ALAS2: variants seen among roughly 807,000 people sequenced by gnomAD.
ALAS2 encodes the protein 5'-aminolevulinate synthase 2.
In ALAS2, 3 loss-of-function variants were observed where a neutral mutation model predicts 33.7. The observed-to-expected ratio is 0.09, with a 90% CI of 0.04 to 0.23. The LOEUF (loss-of-function observed/expected upper bound fraction) is 0.23. Among genes scored for constraint, ALAS2 ranks in the 10% least tolerant of loss-of-function variants. The pLI is 1.00. For synonymous variants in ALAS2, 191 were observed against 177.3 expected (o/e 1.08, Z -0.61); for missense variants, 304 against 475.1 (o/e 0.64, Z 3.35).
At chrX:55,014,171 G>A (rs1935658724) in intron 9 of ALAS2, among the ~76,000 whole-genome samples, 1 of 112,054 alleles carries the variant, frequency 8.9e-6, no homozygotes, top group Non-Finnish European at 1.9e-5. Context: ...AGAAGTAGCA[G>A]TTCATTTTTA....
At position 55,025,809 on chromosome X, in the gene ALAS2, C is replaced by T. The variant is rs1935881865; in HGVS notation, c.181+11G>A. Reference sequence around the variant, plus strand: ...TAACATTCTCCCCTTTTGCTAGCAGCCTCTTCTTACCTCCTCCAGCCTTTG... The same window carrying T: ...TAACATTCTCCCCTTTTGCTAGCAGTCTCTTCTTACCTCCTCCAGCCTTTG... On this transcript the variant is annotated intron_variant, in intron 2 of 10. Transcript: ENST00000650242. 8.3e-7 allele frequency: 1 copy of T among 1,210,279 alleles called. No homozygotes were observed. Among genetic ancestry groups the T allele is most frequent in the African/African-American group, 1.7e-5 (1 of 57,757 alleles).
chrX:55,015,597 G>A lies in ALAS2; in HGVS notation c.1149C>T (p.Asp383=). The A allele has an allele frequency of 2.5e-6, 3 of 1,211,501 alleles. No individual in the cohort carries two copies. Among genetic ancestry groups the A allele is most frequent in the Non-Finnish European group, 3.4e-6 (3 of 895,437 alleles). Residue 383 remains aspartate, a synonymous_variant, in exon 8 of 11, where the codon GAC becomes GAT. Coordinates refer to ENST00000650242, the MANE Select transcript of ALAS2 (RefSeq NM_000032.5). ...GERDGIMHKI[D]IISGTLGKAF... is the part of the protein sequence containing the mutation. Reference sequence around the variant, plus strand: ...ACTTACCAAGAGTTCCAGAGATGATGTCAATCTTATGCATAATTCCATCAC... The same window carrying A: ...ACTTACCAAGAGTTCCAGAGATGATATCAATCTTATGCATAATTCCATCAC...
intron 10 of ALAS2, 117 bp from the exon 11 acceptor site, chrX:55,009,460 GC>G: frequency 1.4e-6 from 1 of 697,537 alleles, no homozygotes; most frequent in Non-Finnish European, 2.1e-6. Context: ...ATACCTCAGG[GC>G]CAGAAGTAGC....
At chrX:55,019,394 G>C (rs1034026635) in intron 6 of ALAS2, among the ~76,000 whole-genome samples, 2 of 111,572 alleles carry the variant, frequency 1.8e-5, no homozygotes, top group Admixed American at 1.9e-4. Context: ...TAGGTGCTTT[G>C]TGGCTGGGAG....
chrX:55,014,834 G>A lies in ALAS2; in HGVS notation c.1350C>T (p.His450=), dbSNP rs754465437. The A allele has an allele frequency of 1.7e-5, 20 of 1,203,598 alleles. 1 individual carries two copies. The Admixed American group carries it at 4.2e-4, about 25-fold the overall frequency. ...GGCGCATGTGCTTGACATTGCGCTG[G>A]TGGGCTCGCCTCAGGGCTTGGCCCT... ...GEEGQALRRA[H]QRNVKHMRQL... is the part of the protein sequence containing the mutation. The change falls in exon 9 of 11, where the codon CAC becomes CAT. Residue 450 remains histidine (H), a synonymous_variant. Coordinates refer to ENST00000650242, the MANE Select transcript of ALAS2 (RefSeq NM_000032.5).
At chrX:55,027,965 C>A in intron 1 of ALAS2, 1 of 476,472 alleles carries the variant, frequency 2.1e-6, no homozygotes, top group Non-Finnish European at 3.7e-6. Flanking sequence ...TAAATGTTAG[C>A]TTTTCTTATT....
At chrX:55,011,880 C>T (rs541835162) in intron 10 of ALAS2, among the ~76,000 whole-genome samples, 51 of 111,458 alleles carry the variant, frequency 4.6e-4, no homozygotes, top group East Asian at 5.7e-4. Flanking sequence ...AGAGACAGAC[C>T]TCCCAGTTGC....
intron 7 of ALAS2, among the ~76,000 whole-genome samples, chrX:55,015,957 CTCTGTGTGTGTGTGTGTGTGTG>C (rs1204269937): frequency 2.3e-5 from 2 of 86,309 alleles, no homozygotes; most frequent in Admixed American, 1.3e-4. Flanking sequence ...CTCTCTGTCT[CTCTGTGTGTGTGTGTGTGTGTG>C]TGTGTGTGTG....
At chrX:55,027,924 G>A (rs1935919469) in intron 1 of ALAS2, 1 of 628,620 alleles carries the variant, frequency 1.6e-6, no homozygotes, top group Non-Finnish European at 2.7e-6. Context: ...TAAGCCTTTA[G>A]TATAGTTTTT....
Position 55,017,645 on chromosome X carries a change from C to A in ALAS2, c.844G>T (p.Ala282Ser), listed in dbSNP as rs368251919. Reference protein sequence around the residue: ...ILPGCEIYSDAGNHASMIQGI... With the variant: ...ILPGCEIYSDSGNHASMIQGI... ...TGGATCATGGAAGCATGGTTGCCTG[C>A]GTCTGAGTAAATCTCGCACCCTGAG... Residue 282 changes from alanine (A) to serine (S), a missense_variant, in exon 7 of 11, where the codon GCA becomes TCA. Ala to Ser is a moderately conservative substitution (Grantham distance 99). Coordinates refer to ENST00000650242, the MANE Select transcript of ALAS2 (RefSeq NM_000032.5). 139 of 1,209,937 alleles carry A rather than the reference C, an allele frequency of 1.1e-4. 2 individuals carry two copies. The South Asian group carries it at 1.7e-3, about 15-fold the overall frequency.
Position 55,027,740 on chromosome X carries a change from C to T in ALAS2, c.-15-1725G>A, listed in dbSNP as rs777257757. On this transcript the variant is annotated intron_variant, in intron 1 of 10. Coordinates refer to ENST00000650242, the MANE Select transcript of ALAS2 (RefSeq NM_000032.5). ...CTTCCTGATCTCATAGAACAAGCAC[C>T]CTCCCCGTACCTCACAAAACAACCT... The T allele has an allele frequency of 3.3e-6, 4 of 1,209,683 alleles. No homozygotes were observed. In the South Asian group the frequency reaches 5.3e-5, roughly 16 times the overall value.
intron 1 of ALAS2, among the ~76,000 whole-genome samples, chrX:55,029,727 T>C (rs1434211229): frequency 1.3e-4 from 15 of 112,124 alleles, no homozygotes; most frequent in African/African-American, 4.2e-4. Flanking sequence ...ACCTAATGTG[T>C]GATAATGCTT....
At chrX:55,015,774 T>G in intron 7 of ALAS2, 32 bp from the exon 8 acceptor site, 1 of 1,201,355 alleles carries the variant, frequency 8.3e-7, no homozygotes, top group Non-Finnish European at 1.1e-6. Flanking sequence ...AGGTAGGACA[T>G]CATAACCCTT....
At position 55,013,519 on chromosome X, in the gene ALAS2, G is replaced by A. The variant is rs199826743; in HGVS notation, c.1567C>T (p.His523Tyr). Reference sequence around the variant, plus strand: ...TCTTCCATCATCTGAGGGCTGTGGTGGGGGGAGGGTGCCAAGCGCAGGAGC... The same window carrying A: ...TCTTCCATCATCTGAGGGCTGTGGTAGGGGGAGGGTGCCAAGCGCAGGAGC... ...EELLRLAPSP[H>Y]HSPQMMEDFV... is the part of the protein sequence containing the mutation. The change falls in exon 10 of 11, where the codon CAC becomes TAC. Residue 523 changes from histidine (H) to tyrosine (Y), a missense_variant. By Grantham distance (83) the His-to-Tyr change is moderately conservative. Around this residue, in one of 3 missense-constraint regions of ALAS2, gnomAD observed 95 missense variants for 127.0 expected, o/e 0.75. Coordinates refer to ENST00000650242, the MANE Select transcript of ALAS2 (RefSeq NM_000032.5). The A allele has an allele frequency of 1.0e-4, 124 of 1,208,495 alleles. No individual in the cohort carries two copies. In the Middle Eastern group the frequency reaches 1.4e-3, roughly 13 times the overall value.
Position 55,016,689 on chromosome X carries a change from C to G in ALAS2, c.1003+797G>C, listed in dbSNP as rs369704076. Among the ~76,000 whole-genome samples the G allele has an allele frequency of 8.0e-5, 9 of 112,202 alleles. No homozygotes were observed. In the East Asian group the frequency reaches 1.4e-3, roughly 17 times the overall value. On this transcript the variant is annotated intron_variant, in intron 7 of 10. Coordinates refer to ENST00000650242, the MANE Select transcript of ALAS2 (RefSeq NM_000032.5). ...AGAGGATGCCTAAAACACATGATTT[C>G]TACACAACAGGGCCAGCAATAGAAA...
intron 4 of ALAS2, 120 bp downstream of exon 4, chrX:55,023,637 T>G: frequency 1.6e-6 from 1 of 614,917 alleles, no homozygotes. Flanking sequence ...CATTAAATTT[T>G]AAACTCAAAT....
chrX:55,027,889 A>G, intron 1 of ALAS2: 2 of 858,207 alleles, frequency 2.3e-6, no homozygotes, highest in Non-Finnish European at 3.5e-6. Flanking sequence ...GGGTTGTTGG[A>G]GGGACTAAAT....
Position 55,024,855 on chromosome X carries a change from G to A in ALAS2, c.182-15C>T. ...AGATGGAGAATCTATGCAAAGGTAAGAGAGTAATTTGGGGTGCATTTCTAG... is the reference window on the plus strand; with the variant it reads ...AGATGGAGAATCTATGCAAAGGTAAAAGAGTAATTTGGGGTGCATTTCTAG... On this transcript the variant is annotated splice_polypyrimidine_tract_variant and intron_variant, in intron 2 of 10. Transcript: ENST00000650242. 8.3e-7 allele frequency: 1 copy of A among 1,211,239 alleles called. No individual in the cohort carries two copies.
At chrX:55,018,230 A>G (rs936200270) in intron 6 of ALAS2, among the ~76,000 whole-genome samples, 2 of 111,696 alleles carry the variant, frequency 1.8e-5, no homozygotes, top group Admixed American at 1.9e-4. Flanking sequence ...TGAGAAAGCT[A>G]AGGTCCAGAA....
Sources: gnomAD v4.1 joint callset for allele counts (sites outside exome capture counted in the v4.1 genomes callset) on GRCh38, gnomAD v4.1.1 for gene constraint, gnomAD v4.1.1 regional missense constraint, MANE v1.5 for transcripts, NCBI Gene and HGNC (gene_info 2026-07-23, HGNC 2026-07-21) for gene names.